SLC25A21: variants seen among roughly 807,000 people sequenced by gnomAD.
The protein encoded by SLC25A21 is solute carrier family 25 member 21.
Under a neutral mutation model 43.8 loss-of-function variants are expected in SLC25A21, and 47 were observed. The ratio of observed to expected loss-of-function variants is 1.07; its 90% confidence interval spans 0.85 to 1.37. SLC25A21 has a LOEUF of 1.37. Among genes scored for constraint, SLC25A21 ranks in the 40% most tolerant of loss-of-function variants. The probability of loss-of-function intolerance (pLI) is 0.00; values close to 1 mark genes in which losing one functional copy is unlikely to be tolerated. For missense variants in SLC25A21, 352 were observed against 350.2 expected, an observed-to-expected ratio of 1.00 and a Z score of -0.04; for synonymous variants, 131 against 121.3, an observed-to-expected ratio of 1.08 and a Z score of -0.52.
chr14:36,682,180 T>C (rs113698700), intron 9 of SLC25A21, among the ~76,000 whole-genome samples: 4 of 151,762 alleles, frequency 2.6e-5, no homozygotes, highest in East Asian at 1.9e-4. Flanking sequence ...CTTTTTTTTT[T>C]TCTCTCTCTC....
At chr14:36,776,524 G>C (rs146592090) in intron 3 of SLC25A21, among the ~76,000 whole-genome samples, 1 of 151,886 alleles carries the variant, frequency 6.6e-6, no homozygotes, top group African/African-American at 2.4e-5. Context: ...TTACAAGCGT[G>C]AGCCACCGCG....
chr14:37,161,274 G>T (rs1963936081), intron 1 of SLC25A21, among the ~76,000 whole-genome samples: 1 of 152,114 alleles, frequency 6.6e-6, no homozygotes, highest in African/African-American at 2.4e-5. Flanking sequence ...ATTCTGCAAA[G>T]ATTAGATAAA....
chr14:37,149,199 G>C (rs532457759), intron 1 of SLC25A21, among the ~76,000 whole-genome samples: 31 of 151,448 alleles, frequency 2.0e-4, no homozygotes, highest in Non-Finnish European at 4.3e-4. Context: ...TCCCTTCCTT[G>C]CTTCTTGTTG....
At chr14:36,688,068 C>T (rs527761106) in intron 7 of SLC25A21, among the ~76,000 whole-genome samples, 1 of 152,328 alleles carries the variant, frequency 6.6e-6, no homozygotes, top group South Asian at 2.1e-4. Flanking sequence ...TATGGTCACA[C>T]TGGTTAATTC....
chr14:36,849,610 C>T (rs1889659596), intron 2 of SLC25A21, among the ~76,000 whole-genome samples: 1 of 152,118 alleles, frequency 6.6e-6, no homozygotes, highest in African/African-American at 2.4e-5. Context: ...CTATCAGACA[C>T]AAAATGCTTA....
chr14:36,890,180 G>T (rs1891036818), intron 1 of SLC25A21, among the ~76,000 whole-genome samples: 1 of 152,086 alleles, frequency 6.6e-6, no homozygotes, highest in Non-Finnish European at 1.5e-5. Context: ...AGGGAGGAAG[G>T]GATTGGGCCA....
intron 2 of SLC25A21, among the ~76,000 whole-genome samples, chr14:36,835,349 T>C (rs1033852901): frequency 2.0e-5 from 3 of 152,154 alleles, no homozygotes; most frequent in Non-Finnish European, 4.4e-5. Context: ...CACATTTCAA[T>C]ATAATGTGAG....
intron 1 of SLC25A21, among the ~76,000 whole-genome samples, chr14:37,051,657 CAA>C (rs1381955989): frequency 3.3e-5 from 5 of 152,156 alleles, no homozygotes; most frequent in Non-Finnish European, 7.4e-5. Flanking sequence ...GAGGGATGAG[CAA>C]AGCATTTCCC....
chr14:37,102,215 C>T (rs1241119305), intron 1 of SLC25A21, among the ~76,000 whole-genome samples: 7 of 152,022 alleles, frequency 4.6e-5, no homozygotes, highest in Non-Finnish European at 7.4e-5. Flanking sequence ...CTGAGGCAGG[C>T]GGATCACTTG....
intron 1 of SLC25A21, among the ~76,000 whole-genome samples, chr14:37,020,381 G>T (rs77514834): frequency 0.17 from 26,218 of 150,750 alleles, 2,543 homozygotes; most frequent in Middle Eastern, 0.22. Flanking sequence ...ATGAAACTTA[G>T]TATTTCCCAT....
chr14:37,141,841 G>C (rs1035490189), intron 1 of SLC25A21, among the ~76,000 whole-genome samples: 1 of 152,156 alleles, frequency 6.6e-6, no homozygotes, highest in Non-Finnish European at 1.5e-5. Context: ...TGAGTACTTT[G>C]ATATGATACA....
chr14:37,113,183 G>T (rs1034613331), intron 1 of SLC25A21, among the ~76,000 whole-genome samples: 3 of 152,060 alleles, frequency 2.0e-5, no homozygotes, highest in Non-Finnish European at 2.9e-5. Context: ...ATTCACCACA[G>T]TCACATTCTA....
intron 3 of SLC25A21, among the ~76,000 whole-genome samples, chr14:36,745,219 A>T (rs1443232128): frequency 1.3e-5 from 2 of 152,092 alleles, no homozygotes; most frequent in Admixed American, 1.3e-4. Context: ...TATATGTGCC[A>T]CATTTTCTTT....
chr14:37,009,137 C>G (rs1264725220), intron 1 of SLC25A21, among the ~76,000 whole-genome samples: 1 of 152,116 alleles, frequency 6.6e-6, no homozygotes, highest in Non-Finnish European at 1.5e-5. Context: ...TGCCTAGATT[C>G]TATTCATTTA....
intron 1 of SLC25A21, among the ~76,000 whole-genome samples, chr14:36,941,344 G>A (rs1892552317): frequency 6.6e-6 from 1 of 152,066 alleles, no homozygotes; most frequent in Admixed American, 6.6e-5. Context: ...GCACAAAATT[G>A]TATAGAGAGT....
intron 1 of SLC25A21, among the ~76,000 whole-genome samples, chr14:36,878,748 G>A (rs1366422557): frequency 6.6e-6 from 1 of 152,094 alleles, no homozygotes; most frequent in Non-Finnish European, 1.5e-5. Flanking sequence ...TGAAATATCA[G>A]CTTCCATTTA....
chr14:36,824,894 T>C (rs184695314), intron 2 of SLC25A21, among the ~76,000 whole-genome samples: 1 of 148,814 alleles, frequency 6.7e-6, no homozygotes, highest in East Asian at 2.1e-4. Flanking sequence ...ATTTGATTCC[T>C]CACTGCCAGG....
intron 2 of SLC25A21, among the ~76,000 whole-genome samples, chr14:36,874,080 T>C (rs1405227852): frequency 6.6e-6 from 1 of 152,254 alleles, no homozygotes; most frequent in Non-Finnish European, 1.5e-5. Context: ...TCACCTTCTC[T>C]TGCTTTCAGC....
chr14:37,149,014 C>T (rs1408643742), intron 1 of SLC25A21, among the ~76,000 whole-genome samples: 1 of 152,154 alleles, frequency 6.6e-6, no homozygotes, highest in East Asian at 1.9e-4. Flanking sequence ...AAGCAATTCT[C>T]CCCACTTTGG....
Sources: allele counts gnomAD v4.1 joint callset (sites outside exome capture counted in the v4.1 genomes callset), GRCh38; gene constraint gnomAD v4.1.1; transcripts MANE v1.5; gene names NCBI Gene and HGNC (gene_info 2026-07-23, HGNC 2026-07-21).